Variants in MYO1F observed in about 807,000 individuals in gnomAD.
The protein encoded by MYO1F is myosin IF, also known as unconventional myosin-If.
In MYO1F, 60 loss-of-function variants were observed where a neutral mutation model predicts 146.6. The ratio of observed to expected loss-of-function variants is 0.41; its 90% confidence interval spans 0.33 to 0.51. The LOEUF (loss-of-function observed/expected upper bound fraction) is 0.51, where lower values mean the gene tolerates loss of function less well. Ranked by LOEUF, MYO1F falls within the 20% of genes least tolerant of loss-of-function variation. MYO1F has a pLI of 0.25. For missense variants in MYO1F, 1,274 were observed against 1,534.3 expected (o/e 0.83, Z 2.83); for synonymous variants, 602 against 602.1 (o/e 1.00, Z 0.00).
chr19:8,564,710 A>G (rs1173461732), intron 1 of MYO1F, among the ~76,000 whole-genome samples: 1 of 151,440 alleles, frequency 6.6e-6, no homozygotes, highest in Non-Finnish European at 1.5e-5. Context: ...CTGGCTGAGA[A>G]GGGGAAGAGG....
chr19:8,532,903 T>TATATATAC (rs1972545379), intron 19 of MYO1F, among the ~76,000 whole-genome samples: 16 of 113,164 alleles, frequency 1.4e-4, no homozygotes, highest in Non-Finnish European at 1.2e-4. Flanking sequence ...AAAAAAAAAA[T>TATATATAC]ACACACACAC....
rs888270674 is a variant in MYO1F, at chr19:8,521,434, G to A, written c.*94C>T. The A allele has an allele frequency of 1.3e-5, 17 of 1,358,510 alleles. No homozygotes were observed. The Middle Eastern group carries it at 1.6e-3, about 130-fold the overall frequency. The allele number at this position is 1,358,510 out of a possible 1,614,324, so 84.2% of individuals were successfully genotyped here. ...TGGACTTTTAGGCTATTGCAGCCCA[G>A]GTAAACGAGGCTCTCATTGGCAGGG... On this transcript the variant is annotated 3_prime_UTR_variant, in exon 28 of 28. Transcript: ENST00000644032.
At chr19:8,558,847 C>T (rs1001158014) in intron 1 of MYO1F, among the ~76,000 whole-genome samples, 7 of 152,086 alleles carry the variant, frequency 4.6e-5, no homozygotes, top group Non-Finnish European at 8.8e-5. Flanking sequence ...AGAGCAAAAA[C>T]CACCAGAGCA....
chr19:8,552,267 T>A, intron 6 of MYO1F, 103 bp from the exon 7 acceptor site: 1 of 838,022 alleles, frequency 1.2e-6, no homozygotes, highest in Non-Finnish European at 1.8e-6. Flanking sequence ...CCCTTCTTCC[T>A]TTTTTTTTTG....
In MYO1F at chr19:8,553,331, TC is replaced by T; in HGVS notation, c.414+18del. ...AGGTGAGGGCGACCCAGCTTATCCT[TC>T]TGTTTTCCTCGTCTCACCTGGACCT... is the stretch of plus-strand genomic sequence containing the variant. On this transcript the variant is annotated intron_variant, in intron 5 of 27. Transcript: ENST00000644032. The T allele has an allele frequency of 6.2e-7, 1 of 1,613,690 alleles. No homozygotes were observed. Among genetic ancestry groups the T allele is most frequent in the Non-Finnish European group, 8.5e-7 (1 of 1,179,696 alleles).
At chr19:8,537,494 C>T (rs960401154) in intron 16 of MYO1F, among the ~76,000 whole-genome samples, 3 of 151,918 alleles carry the variant, frequency 2.0e-5, no homozygotes, top group Non-Finnish European at 2.9e-5. Flanking sequence ...CAGGCTGGAG[C>T]GCAATGGTGC....
intron 27 of MYO1F, among the ~76,000 whole-genome samples, chr19:8,522,023 C>CTT (rs34105946): frequency 2.2e-5 from 3 of 133,398 alleles, no homozygotes; most frequent in Non-Finnish European, 3.2e-5. Context: ...AGTCAGGGTT[C>CTT]TTTTTTTTTT....
intron 19 of MYO1F, among the ~76,000 whole-genome samples, chr19:8,534,841 G>A (rs1389570076): frequency 6.6e-6 from 1 of 151,940 alleles, no homozygotes; most frequent in Non-Finnish European, 1.5e-5. Flanking sequence ...TGGTCGGGCT[G>A]GTCTTGAACT....
intron 25 of MYO1F, 129 bp from the exon 26 acceptor site, chr19:8,522,958 G>A: frequency 6.4e-6 from 5 of 786,232 alleles, no homozygotes; most frequent in South Asian, 4.7e-5. Flanking sequence ...GTAAGGATTG[G>A]GCCAGACGGA....
At position 8,530,334 on chromosome 19, in the gene MYO1F, C is replaced by G; in HGVS notation, c.2190G>C (p.Arg730=). Residue 730 remains arginine (R), a synonymous_variant, in exon 21 of 28, where the codon CGG becomes CGC. Coordinates refer to ENST00000644032, the MANE Select transcript of MYO1F (RefSeq NM_012335.4). The surrounding 1 kb of genome is among the most constrained non-coding windows in gnomAD (Gnocchi z 5.8). The stretch of plus-strand genomic sequence containing the variant: ...AGTTCCGATTGATGCTGTTGCGCCT[C>G]CGCTCCTTCTTGTTCAGCAGGATGT... ...ASNILLNKKE[R]RRNSINRNFV... The G allele has an allele frequency of 6.2e-7, 1 of 1,614,174 alleles. No individual in the cohort carries two copies. The highest frequency in any genetic ancestry group is 1.3e-5 in the African/African-American group (1 of 75,054).
intron 4 of MYO1F, among the ~76,000 whole-genome samples, chr19:8,554,136 A>T (rs953164026): frequency 1.3e-5 from 2 of 151,762 alleles, no homozygotes; most frequent in Non-Finnish European, 2.9e-5. Flanking sequence ...ATTATTATCT[A>T]TACAGAGACA....
At chr19:8,524,314 G>A (rs1489305848) in intron 25 of MYO1F, among the ~76,000 whole-genome samples, 2 of 151,094 alleles carry the variant, frequency 1.3e-5, no homozygotes, top group East Asian at 3.9e-4. Context: ...TACTGGGGAG[G>A]CTGAGGCAGG....
rs1972417783 is a variant in MYO1F, at chr19:8,530,092, G to C, written c.2328+104C>G. 2 of 1,482,160 alleles carry C rather than the reference G, an allele frequency of 1.3e-6. No individual in the cohort carries two copies. The highest frequency in any genetic ancestry group is 9.4e-7 in the Non-Finnish European group (1 of 1,066,328). The allele number at this position is 1,482,160 out of a possible 1,614,324, so 91.8% of individuals were successfully genotyped here. ...GGGTGTACCTGTGATGGAACAGATG[G>C]ATCTAGGCTGGGGGATATCTGGCTG... On this transcript the variant is annotated intron_variant, in intron 21 of 27. Coordinates refer to ENST00000644032, the MANE Select transcript of MYO1F (RefSeq NM_012335.4). This position sits in a 1 kb window ranked among gnomAD's most constrained non-coding sequence, Gnocchi z 5.8.
Position 8,555,745 on chromosome 19 carries a change from C to T in MYO1F, c.55G>A (p.Val19Met), listed in dbSNP as rs767229688. The change falls in exon 2 of 28, where the codon GTG becomes ATG. Residue 19 changes from valine (V) to methionine (M), a missense_variant. Physicochemically the swap from Val to Met is conservative, Grantham distance 21 (BLOSUM62 1). Coordinates refer to ENST00000644032, the MANE Select transcript of MYO1F (RefSeq NM_012335.4). ...TGGGGAAGAAGCACCATGTCATCCA[C>T]GCCGCTCTGCTTCACGTTGTGGCTC... ...WQSHNVKQSG[V>M]DDMVLLPQIT... is the part of the protein sequence containing the mutation. The T allele has an allele frequency of 1.7e-5, 27 of 1,614,010 alleles. No individual in the cohort carries two copies. Among genetic ancestry groups the T allele is most frequent in the Middle Eastern group, 1.6e-4 (1 of 6,084 alleles).
At chr19:8,566,120 C>A (rs1264209461) in intron 1 of MYO1F, among the ~76,000 whole-genome samples, 2 of 150,638 alleles carry the variant, frequency 1.3e-5, no homozygotes, top group Admixed American at 1.3e-4. Context: ...ACCCAAACAC[C>A]AAACTAGCAC....
intron 1 of MYO1F, among the ~76,000 whole-genome samples, chr19:8,557,561 C>T (rs549280140): frequency 6.6e-6 from 1 of 152,182 alleles, no homozygotes; most frequent in Non-Finnish European, 1.5e-5. Flanking sequence ...CTCAGTCCCC[C>T]AAAGTGGTGG....
At chr19:8,536,213 T>C (rs1972703395) in intron 19 of MYO1F, 39 bp downstream of exon 19, 1 of 1,596,858 alleles carries the variant, frequency 6.3e-7, no homozygotes, top group Non-Finnish European at 8.5e-7. Context: ...TTCTCTCTCT[T>C]CCCCTCTCCT....
chr19:8,537,793 C>T (rs1023700154), intron 16 of MYO1F, among the ~76,000 whole-genome samples: 4 of 151,780 alleles, frequency 2.6e-5, no homozygotes, highest in Admixed American at 2.0e-4. Context: ...ATAGTGGCGC[C>T]GTGATAGTTC....
Position 8,527,396 on chromosome 19 carries a change from C to A in MYO1F, c.2416G>T (p.Val806Leu), listed in dbSNP as rs1338815164. ...ACTTTCTTCTTCAAGACTTCACACACCTGGCCCTTCTCAGGTCCCTTCTTC... is the reference window on the plus strand; with the variant it reads ...ACTTTCTTCTTCAAGACTTCACACAACTGGCCCTTCTCAGGTCCCTTCTTC... The part of the protein sequence containing the change: ...KVKKGPEKGQ[V>L]CEVLKKKVDI... Residue 806 changes from valine to leucine, a missense_variant, in exon 22 of 28, where the codon GTG becomes TTG. Around this residue, in one of 2 missense-constraint regions of MYO1F, gnomAD observed 900 missense variants for 1,155.1 expected, o/e 0.78. Transcript: ENST00000644032. 4 of 1,614,160 alleles carry A rather than the reference C, an allele frequency of 2.5e-6. No individual in the cohort carries two copies. Among genetic ancestry groups the A allele is most frequent in the Non-Finnish European group, 2.5e-6 (3 of 1,180,022 alleles).
Sources: gnomAD v4.1 joint callset for allele counts (sites outside exome capture counted in the v4.1 genomes callset) on GRCh38, gnomAD v4.1.1 for gene constraint, gnomAD v4.1.1 regional missense constraint, Gnocchi (gnomAD v3.1) non-coding constraint, MANE v1.5 for transcripts, NCBI Gene and HGNC (gene_info 2026-07-23, HGNC 2026-07-21) for gene names.